ALPI: variants seen among roughly 807,000 people sequenced by gnomAD.
ALPI encodes the protein alkaline phosphatase, intestinal, also known as intestinal-type alkaline phosphatase.
ALPI carries 50 observed loss-of-function variants against 51.5 expected under a neutral mutation model. The ratio of observed to expected loss-of-function variants is 0.97; its 90% CI spans 0.77 to 1.23. The LOEUF (loss-of-function observed/expected upper bound fraction) is 1.23. ALPI is among the 50% of genes most tolerant of loss of function. The pLI is 0.00. For missense variants in ALPI, 692 were observed against 722.4 expected, an observed-to-expected ratio of 0.96 and a Z score of 0.48; for synonymous variants, 322 against 308.2, an observed-to-expected ratio of 1.04 and a Z score of -0.47.
chr2:232,456,705 G>A lies in ALPI; in HGVS notation c.300+10G>A. The A allele has an allele frequency of 6.3e-7, 1 of 1,589,380 alleles. No individual in the cohort carries two copies. Among genetic ancestry groups the A allele is most frequent in the Non-Finnish European group, 8.6e-7 (1 of 1,167,590 alleles). ...CCTGGCTCTGTCCAAGGTAAGGGCTGGGCCACCTCAGAGTCCTCCAAGCAG... is the reference window on the plus strand; with the variant it reads ...CCTGGCTCTGTCCAAGGTAAGGGCTAGGCCACCTCAGAGTCCTCCAAGCAG... On this transcript the variant is annotated intron_variant, in intron 3 of 10. Coordinates refer to ENST00000295463, the MANE Select transcript of ALPI (RefSeq NM_001631.5). The surrounding 1 kb of genome is among the most constrained non-coding windows in gnomAD (Gnocchi z 4.2).
In ALPI at chr2:232,456,283, A is replaced by G. The variant is rs142283983; in HGVS notation, c.67+17A>G. The stretch of plus-strand genomic sequence containing the variant: ...TCATCCCAGGTAATGAGGCTCCCCA[A>G]GCTGTTCCACACACAGGGCACCCCC... On this transcript the variant is annotated intron_variant, in intron 1 of 10. Transcript: ENST00000295463. This position sits in a 1 kb window ranked among gnomAD's most constrained non-coding sequence, Gnocchi z 4.2. 7.2e-4 allele frequency: 1,158 copies of G among 1,613,998 alleles called. 8 individuals are homozygous for G. In the East Asian group the frequency reaches 0.016, roughly 22 times the overall value.
Position 232,457,635 on chromosome 2 carries a change from C to G in ALPI, c.719C>G (p.Ala240Gly). ...CCAGACCCTGAGTACCCAGCTGATG[C>G]CAGCCAGAATGGAATCAGGCTGGAC... is the stretch of plus-strand genomic sequence containing the variant. ...GTPDPEYPADASQNGIRLDGK... is the reference protein window; with the variant it reads ...GTPDPEYPADGSQNGIRLDGK... Residue 240 changes from alanine (A) to glycine (G), a missense_variant, in exon 6 of 11, where the codon GCC becomes GGC. Transcript: ENST00000295463. This position sits in a 1 kb window ranked among gnomAD's most constrained non-coding sequence, Gnocchi z 4.7. 1.9e-6 allele frequency: 3 copies of G among 1,614,074 alleles called. No individual in the cohort carries two copies. Among genetic ancestry groups the G allele is most frequent in the Non-Finnish European group, 2.5e-6 (3 of 1,179,968 alleles).
rs762095640 is a variant in ALPI, at chr2:232,457,326, C to T, written c.648+4C>T. Reference sequence around the variant, plus strand: ...CATCTCCAACATGGACATTGACGTGCGACCCCCGGGCCAAGGGCTGGGGCT... The same window carrying T: ...CATCTCCAACATGGACATTGACGTGTGACCCCCGGGCCAAGGGCTGGGGCT... On this transcript the variant is annotated splice_donor_region_variant and intron_variant, in intron 5 of 10. Transcript: ENST00000295463. This position sits in a 1 kb window ranked among gnomAD's most constrained non-coding sequence, Gnocchi z 4.7. The T allele has an allele frequency of 2.8e-5, 44 of 1,598,456 alleles. No individual in the cohort carries two copies. Among genetic ancestry groups the T allele is most frequent in the Middle Eastern group, 1.7e-4 (1 of 5,884 alleles).
In ALPI at chr2:232,458,064, T is replaced by C; in HGVS notation, c.923T>C (p.Met308Thr). 6.2e-7 allele frequency: 1 copy of C among 1,612,058 alleles called. No homozygotes were observed. Among genetic ancestry groups the C allele is most frequent in the Non-Finnish European group, 8.5e-7 (1 of 1,179,726 alleles). The change falls in exon 8 of 11, where the codon ATG (methionine) becomes ACG (threonine). Residue 308 changes from methionine to threonine, a missense_variant. Met to Thr is a moderately conservative substitution (Grantham distance 81). Transcript: ENST00000295463. Reference sequence around the variant, plus strand: ...GACCCCACACTGGACCCCTCCCTGATGGAGATGACAGAGGCTGCCCTGCGC... The same window carrying C: ...GACCCCACACTGGACCCCTCCCTGACGGAGATGACAGAGGCTGCCCTGCGC... ...HRDPTLDPSL[M>T]EMTEAALRLL...
Position 232,457,785 on chromosome 2 carries a change from G to A in ALPI, c.784-10G>A. The A allele has an allele frequency of 6.2e-7, 1 of 1,613,926 alleles. No homozygotes were observed. Among genetic ancestry groups the A allele is most frequent in the South Asian group, 1.1e-5 (1 of 91,052 alleles). ...GGGCTGTGGGCTGAAGCCTGGCTCT[G>A]TCCCTGCAGGGTGCCTGGTATGTGT... On this transcript the variant is annotated splice_polypyrimidine_tract_variant and intron_variant, in intron 6 of 10. Transcript: ENST00000295463. The surrounding 1 kb of genome is among the most constrained non-coding windows in gnomAD (Gnocchi z 4.7).
chr2:232,457,733 A>C lies in ALPI; in HGVS notation c.783+34A>C. The C allele has an allele frequency of 1.2e-6, 2 of 1,610,796 alleles. No homozygotes were observed. The highest frequency in any genetic ancestry group is 1.1e-5 in the South Asian group (1 of 90,786). On this transcript the variant is annotated intron_variant, in intron 6 of 10. Coordinates refer to ENST00000295463, the MANE Select transcript of ALPI (RefSeq NM_001631.5). This position sits in a 1 kb window ranked among gnomAD's most constrained non-coding sequence, Gnocchi z 4.7. ...GGCTGGTGGGTGTGGGAGGCACGGC[A>C]GGGGGAGGCCAAGTGTGTGGGTCTC... is the stretch of plus-strand genomic sequence containing the variant.
Position 232,456,545 on chromosome 2 carries a change from TG to T in ALPI, c.185-31del. The stretch of plus-strand genomic sequence containing the variant: ...ACCTTCAGTGGTTCCAGGACAACCC[TG>T]GGGCCCAGGACTCACACATTTCTGC... On this transcript the variant is annotated intron_variant, in intron 2 of 10. Transcript: ENST00000295463. This position sits in a 1 kb window ranked among gnomAD's most constrained non-coding sequence, Gnocchi z 4.2. 6.2e-7 allele frequency: 1 copy of T among 1,610,656 alleles called. No individual in the cohort carries two copies. The highest frequency in any genetic ancestry group is 1.3e-5 in the African/African-American group (1 of 74,966).
At position 232,460,158 on chromosome 2, in the gene ALPI, T is replaced by G. The variant is rs188896491; in HGVS notation, c.*1012T>G. 1.0e-4 allele frequency: 14 copies of G among 135,772 alleles called. No homozygotes were observed. Among genetic ancestry groups the G allele is most frequent in the African/African-American group, 3.8e-4 (14 of 36,818 alleles). 8.4% of individuals were successfully genotyped at this position (135,772 alleles called of 1,614,324 possible). On this transcript the variant is annotated 3_prime_UTR_variant, in exon 11 of 11. Transcript: ENST00000295463. ...GATTGAGCAAGAGACTTGAACAGAGTGGGGGCTTGAGCAAGGCAGCACAGC... is the reference window on the plus strand; with the variant it reads ...GATTGAGCAAGAGACTTGAACAGAGGGGGGGCTTGAGCAAGGCAGCACAGC...
chr2:232,459,808 C>G lies in ALPI; in HGVS notation c.*662C>G, dbSNP rs1194203918. 1 of 152,776 alleles carries G rather than the reference C, an allele frequency of 6.5e-6. No individual in the cohort carries two copies. The highest frequency in any genetic ancestry group is 1.5e-5 in the Non-Finnish European group (1 of 68,532). 9.5% of individuals were successfully genotyped at this position (152,776 alleles called of 1,614,324 possible). ...TGAGGCAGAGGCTTGCCCCAAGTCA[C>G]AGCCACTCAGATGCTTCCTGCCCCC... is the stretch of plus-strand genomic sequence containing the variant. On this transcript the variant is annotated 3_prime_UTR_variant, in exon 11 of 11. Transcript: ENST00000295463.
Position 232,456,422 on chromosome 2 carries a change from C to T in ALPI, c.141C>T (p.Pro47=). 6.2e-7 allele frequency: 1 copy of T among 1,614,028 alleles called. No homozygotes were observed. Among genetic ancestry groups the T allele is most frequent in the Non-Finnish European group, 8.5e-7 (1 of 1,180,018 alleles). The stretch of plus-strand genomic sequence containing the variant: ...TGGATGCTGCCAAGAAGCTGCAGCC[C>T]ATCCAGAAGGTCGCCAAGAACCTCA... ...EALDAAKKLQ[P]IQKVAKNLIL... is the part of the protein sequence containing the mutation. The change falls in exon 2 of 11, where the codon CCC becomes CCT. Residue 47 remains proline, a synonymous_variant. Coordinates refer to ENST00000295463, the MANE Select transcript of ALPI (RefSeq NM_001631.5). The surrounding 1 kb of genome is among the most constrained non-coding windows in gnomAD (Gnocchi z 4.2).
In ALPI at chr2:232,460,683, T is replaced by C. The variant is rs1690293174; in HGVS notation, c.*1537T>C. 6.6e-6 allele frequency among the ~76,000 whole-genome samples: 1 copy of C among 152,218 alleles called. No individual in the cohort carries two copies. Among genetic ancestry groups the C allele is most frequent in the South Asian group, 2.1e-4 (1 of 4,836 alleles). ...AAAAGCATCTTGCTTTTGCAAGAAA[T>C]AGTAACATCATTCAATATGCTTTCT... is the stretch of plus-strand genomic sequence containing the variant. On this transcript the variant is annotated 3_prime_UTR_variant, in exon 11 of 11. Coordinates refer to ENST00000295463, the MANE Select transcript of ALPI (RefSeq NM_001631.5).
Position 232,459,354 on chromosome 2 carries a change from C to A in ALPI, c.*208C>A. ...GCAGGAGCCCAGGGCGCCCTGGGAGCTGAGCCTGGGACTTCCAGGACCTCC... is the reference window on the plus strand; with the variant it reads ...GCAGGAGCCCAGGGCGCCCTGGGAGATGAGCCTGGGACTTCCAGGACCTCC... On this transcript the variant is annotated 3_prime_UTR_variant, in exon 11 of 11. Coordinates refer to ENST00000295463, the MANE Select transcript of ALPI (RefSeq NM_001631.5). The A allele has an allele frequency of 1.6e-6, 1 of 632,624 alleles. No homozygotes were observed. The highest frequency in any genetic ancestry group is 2.7e-6 in the Non-Finnish European group (1 of 376,386). The allele number at this position is 632,624 out of a possible 1,614,324, so 39.2% of individuals were successfully genotyped here.
chr2:232,457,398 C>A lies in ALPI; in HGVS notation c.648+76C>A. 1.3e-6 allele frequency: 2 copies of A among 1,557,458 alleles called. No individual in the cohort carries two copies. The highest frequency in any genetic ancestry group is 1.7e-6 in the Non-Finnish European group (2 of 1,152,522). On this transcript the variant is annotated intron_variant, in intron 5 of 10. Transcript: ENST00000295463. This position sits in a 1 kb window ranked among gnomAD's most constrained non-coding sequence, Gnocchi z 4.7. ...AGGCTCAGATCCAGGCAACCAAAAG[C>A]CTGATCTGGGTCAGCAGGTTCTGGA...
chr2:232,456,304 C>A lies in ALPI; in HGVS notation c.67+38C>A, dbSNP rs959965735. The A allele has an allele frequency of 2.5e-6, 4 of 1,613,978 alleles. No homozygotes were observed. Among genetic ancestry groups the A allele is most frequent in the Middle Eastern group, 1.6e-4 (1 of 6,082 alleles). On this transcript the variant is annotated intron_variant, in intron 1 of 10. Coordinates refer to ENST00000295463, the MANE Select transcript of ALPI (RefSeq NM_001631.5). The surrounding 1 kb of genome is among the most constrained non-coding windows in gnomAD (Gnocchi z 4.2). ...CCCAAGCTGTTCCACACACAGGGCA[C>A]CCCCTCAGCCAGGCTGACCTGATCT...
At position 232,459,261 on chromosome 2, in the gene ALPI, C is replaced by A; in HGVS notation, c.*115C>A. The stretch of plus-strand genomic sequence containing the variant: ...AGGTGTCCTGCCGTTGGACCTTCAC[C>A]TCCTAGAGATAAACCAGCCTCAGCT... On this transcript the variant is annotated 3_prime_UTR_variant, in exon 11 of 11. Transcript: ENST00000295463. 3 of 1,360,108 alleles carry A rather than the reference C, an allele frequency of 2.2e-6. No homozygotes were observed. The highest frequency in any genetic ancestry group is 2.9e-6 in the Non-Finnish European group (3 of 1,023,726). 84.3% of individuals were successfully genotyped at this position (1,360,108 alleles called of 1,614,324 possible). A position where few individuals can be genotyped will look rare whatever the true frequency, so the allele number is the denominator to read the frequency against.
rs1690280723 is a variant in ALPI at position 232,459,874 on chromosome 2, GGAGCTCTGGGTACAGGGCAGCAACCCA to G, written c.*733_*759del. On this transcript the variant is annotated 3_prime_UTR_variant, in exon 11 of 11. Coordinates refer to ENST00000295463, the MANE Select transcript of ALPI (RefSeq NM_001631.5). ...GTCACCAGATCCAAGGAGCGCTTGA[GGAGCTCTGGGTACAGGGCAGCAACCCA>G]GAGCCCATGGGCCCTCCCGGGACAT... is the stretch of plus-strand genomic sequence containing the variant. The G allele has an allele frequency of 6.6e-6, 1 of 152,292 alleles. No homozygotes were observed. Among genetic ancestry groups the G allele is most frequent in the African/African-American group, 2.4e-5 (1 of 41,454 alleles). The allele number at this position is 152,292 out of a possible 1,614,324, so 9.4% of individuals were successfully genotyped here. A position where few individuals can be genotyped will look rare whatever the true frequency, so the allele number is the denominator to read the frequency against.
rs989824723 is a variant in ALPI, at chr2:232,457,143, C to T, written c.476-7C>T. The T allele has an allele frequency of 1.1e-5, 18 of 1,613,536 alleles. No homozygotes were observed. The East Asian group carries it at 3.6e-4, about 32-fold the overall frequency. On this transcript the variant is annotated splice_region_variant and splice_polypyrimidine_tract_variant and intron_variant, in intron 4 of 10. Transcript: ENST00000295463. The surrounding 1 kb of genome is among the most constrained non-coding windows in gnomAD (Gnocchi z 4.7). ...CGGTCACCGATCCTGACCTCTGTCA[C>T]CCTCAGGAAAGTCAGTAGGAGTGGT...
intron 10 of ALPI, 28 bp from the exon 11 acceptor site, chr2:232,458,832 C>T: frequency 6.2e-7 from 1 of 1,609,562 alleles, no homozygotes; most frequent in Non-Finnish European, 8.5e-7. Flanking sequence ...CGCCTGCCTG[C>T]CCTGAAGTGC....
At position 232,457,502 on chromosome 2, in the gene ALPI, C is replaced by A. The variant is rs1690218431; in HGVS notation, c.649-63C>A. 1.3e-6 allele frequency: 2 copies of A among 1,558,344 alleles called. No individual in the cohort carries two copies. The highest frequency in any genetic ancestry group is 1.9e-5 in the Admixed American group (1 of 53,174). ...CTGGGGAGGGGAGCCAGGGGCTATG[C>A]ATGAGGAGGGGGCACGGGGCCAGCC... On this transcript the variant is annotated intron_variant, in intron 5 of 10. Coordinates refer to ENST00000295463, the MANE Select transcript of ALPI (RefSeq NM_001631.5). The surrounding 1 kb of genome is among the most constrained non-coding windows in gnomAD (Gnocchi z 4.7).
Sources: gnomAD v4.1 joint callset for allele counts (sites outside exome capture counted in the v4.1 genomes callset) on GRCh38, gnomAD v4.1.1 for gene constraint, Gnocchi (gnomAD v3.1) non-coding constraint, MANE v1.5 for transcripts, NCBI Gene and HGNC (gene_info 2026-07-23, HGNC 2026-07-21) for gene names.